The following CDCA3 variants were observed in gnomAD, a reference collection of about 807,000 sequenced individuals.
CDCA3 encodes cell division cycle associated 3.
In CDCA3, 16 loss-of-function variants were observed where a neutral mutation model predicts 29.1. The ratio of observed to expected loss-of-function variants is 0.55; its 90% CI spans 0.37 to 0.83. The LOEUF (loss-of-function observed/expected upper bound fraction) is 0.83, where lower values mean the gene tolerates loss of function less well. Ranked by LOEUF, CDCA3 falls within the 40% of genes least tolerant of loss-of-function variation. The pLI, the probability that CDCA3 is intolerant of heterozygous loss-of-function variation, is 0.00. For synonymous variants in CDCA3, 88 were observed against 124.5 expected, an observed-to-expected ratio of 0.71 and a Z score of 1.95; for missense variants, 291 against 327.2, an observed-to-expected ratio of 0.89 and a Z score of 0.85.
rs370710900 is a variant in CDCA3 at position 6,850,004 on chromosome 12, AT to A, written c.251-147del. 59,873 of 494,466 alleles carry A rather than the reference AT, an allele frequency of 0.12. 36 individuals carry two copies. Among genetic ancestry groups the A allele is most frequent in the East Asian group, 0.16 (3,848 of 24,048 alleles). 30.6% of individuals were successfully genotyped at this position (494,466 alleles called of 1,614,324 possible). On this transcript the variant is annotated intron_variant, in intron 3 of 5. Transcript: ENST00000538862. This position sits in a 1 kb window ranked among gnomAD's most constrained non-coding sequence, Gnocchi z 4.7. ...AAGGAAATCAAGGTGAAAGGGAGCA[AT>A]TTTTTTTTTTTTTGAGATGGGGCTT... is the stretch of plus-strand genomic sequence containing the variant.
downstream of CDCA3, chr12:6,847,968 G>C (rs1943739450): frequency 6.6e-6 from 1 of 152,252 alleles, no homozygotes; most frequent in Non-Finnish European, 1.5e-5. Context: ...GCCTTGGAAG[G>C]CTGAGGCAGA....
downstream of CDCA3, chr12:6,847,941 A>G (rs988124611): frequency 6.6e-6 from 1 of 152,310 alleles, no homozygotes; most frequent in Non-Finnish European, 1.5e-5. Flanking sequence ...ACAGTGGCTC[A>G]TGCCTGTAAT....
Position 6,850,829 on chromosome 12 carries a change from G to A in CDCA3, c.120+4C>T. 2 of 1,613,676 alleles carry A rather than the reference G, an allele frequency of 1.2e-6. No homozygotes were observed. The highest frequency in any genetic ancestry group is 1.7e-6 in the Non-Finnish European group (2 of 1,179,850). On this transcript the variant is annotated splice_donor_region_variant and intron_variant, in intron 2 of 5. Coordinates refer to ENST00000538862, the MANE Select transcript of CDCA3 (RefSeq NM_031299.7). The surrounding 1 kb of genome is among the most constrained non-coding windows in gnomAD (Gnocchi z 4.7). ...TCTGCCTTTCCCACGCTGGCCCAGA[G>A]TACCTGGATGGGAGTGCGCAGGATG...
At chr12:6,847,199 C>T (rs781969524), downstream of CDCA3, 77 of 373,810 alleles carry the variant, frequency 2.1e-4, no homozygotes, top group Non-Finnish European at 3.5e-4. Flanking sequence ...AGACTTGAGT[C>T]TGAGGCCCCA....
chr12:6,850,675 C>T lies in CDCA3; in HGVS notation c.121-79G>A. 1 of 1,602,722 alleles carries T rather than the reference C, an allele frequency of 6.2e-7. No individual in the cohort carries two copies. Among genetic ancestry groups the T allele is most frequent in the Admixed American group, 1.7e-5 (1 of 59,712 alleles). On this transcript the variant is annotated intron_variant, in intron 2 of 5. Transcript: ENST00000538862. The surrounding 1 kb of genome is among the most constrained non-coding windows in gnomAD (Gnocchi z 4.7). ...CTCCCCATATTCCAGGAAGGAATTG[C>T]CAAGGCCCTCAGATATCCAGCCTAC...
chr12:6,849,914 G>A lies in CDCA3; in HGVS notation c.251-56C>T. The stretch of plus-strand genomic sequence containing the variant: ...CTTCTGATACACAACATTCAGCAAG[G>A]AGCAAAACATACAGAAACCCAGGAC... On this transcript the variant is annotated intron_variant, in intron 3 of 5. Transcript: ENST00000538862. This position sits in a 1 kb window ranked among gnomAD's most constrained non-coding sequence, Gnocchi z 5.2. 2 of 1,422,898 alleles carry A rather than the reference G, an allele frequency of 1.4e-6. No homozygotes were observed. The highest frequency in any genetic ancestry group is 1.9e-6 in the Non-Finnish European group (2 of 1,068,594). 88.1% of individuals were successfully genotyped at this position (1,422,898 alleles called of 1,614,324 possible).
At chr12:6,845,798 T>A, downstream of CDCA3, 2 of 1,611,690 alleles carry the variant, frequency 1.2e-6, no homozygotes, top group Non-Finnish European at 1.7e-6. Flanking sequence ...AGTCTGAGCG[T>A]GTGGGTAAGG....
chr12:6,845,274 GAGTC>G, downstream of CDCA3: 1 of 353,872 alleles, frequency 2.8e-6, no homozygotes, highest in Non-Finnish European at 5.3e-6. Flanking sequence ...TGTAGTCTGG[GAGTC>G]TGGGACAACC....
rs1015007220 is a variant in CDCA3, at chr12:6,850,900, T to C, written c.53A>G (p.Asn18Ser). Residue 18 changes from asparagine (N) to serine (S), a missense_variant, in exon 2 of 6, where the codon AAC becomes AGC. By Grantham distance (46) the Asn-to-Ser change is conservative. Transcript: ENST00000538862. The surrounding 1 kb of genome is among the most constrained non-coding windows in gnomAD (Gnocchi z 4.7). ...GTCCGCCACTCGAGCCAGATGCTTG[T>C]TGTGCGGCGGAGGCCGCGCTGGTGT... is the stretch of plus-strand genomic sequence containing the variant. ...PVTPARPPPH[N>S]KHLARVADPR... 11 of 1,613,496 alleles carry C rather than the reference T, an allele frequency of 6.8e-6. No homozygotes were observed. The highest frequency in any genetic ancestry group is 9.3e-6 in the Non-Finnish European group (11 of 1,179,888).
downstream of CDCA3, chr12:6,847,084 A>G: frequency 1.7e-6 from 1 of 576,614 alleles, no homozygotes; most frequent in South Asian, 2.0e-5. Context: ...AGGGGCAAAG[A>G]ACTGCCCCAT....
In CDCA3 at chr12:6,849,364, G is replaced by A. The variant is rs994867451; in HGVS notation, c.610C>T (p.Leu204=). 1.2e-6 allele frequency: 2 copies of A among 1,605,666 alleles called. No individual in the cohort carries two copies. The highest frequency in any genetic ancestry group is 2.2e-5 in the East Asian group (1 of 44,794). The part of the protein sequence containing the change: ...KVLGRSPLTI[L]QDDNSPGTLT... Reference sequence around the variant, plus strand: ...GTGCCAGGGGAGTTGTCATCCTGCAGGATGGTGAGGGGGGATCTCCCTAGT... The same window carrying A: ...GTGCCAGGGGAGTTGTCATCCTGCAAGATGGTGAGGGGGGATCTCCCTAGT... Residue 204 remains leucine, a synonymous_variant, in exon 5 of 6, where the codon CTG becomes TTG. Transcript: ENST00000538862. This position sits in a 1 kb window ranked among gnomAD's most constrained non-coding sequence, Gnocchi z 5.2.
chr12:6,849,978 C>A lies in CDCA3; in HGVS notation c.251-120G>T. ...GGTGAGCAAGTGGGAAGAGAGAAAT[C>A]AAGGAAATCAAGGTGAAAGGGAGCA... On this transcript the variant is annotated intron_variant, in intron 3 of 5. Transcript: ENST00000538862. This position sits in a 1 kb window ranked among gnomAD's most constrained non-coding sequence, Gnocchi z 5.2. 1 of 901,644 alleles carries A rather than the reference C, an allele frequency of 1.1e-6. No homozygotes were observed. The highest frequency in any genetic ancestry group is 1.6e-6 in the Non-Finnish European group (1 of 628,210). The allele number at this position is 901,644 out of a possible 1,614,324, so 55.9% of individuals were successfully genotyped here. A position where few individuals can be genotyped will look rare whatever the true frequency, so the allele number is the denominator to read the frequency against.
downstream of CDCA3, chr12:6,846,709 C>A (rs199825311): frequency 1.5e-5 from 10 of 687,920 alleles, no homozygotes; most frequent in Admixed American, 4.5e-5. Flanking sequence ...ACCCACACAC[C>A]CACACATACA....
rs1170705266 is a variant in CDCA3, at chr12:6,848,846, T to C, written c.*197A>G. 4 of 575,870 alleles carry C rather than the reference T, an allele frequency of 6.9e-6. No individual in the cohort carries two copies. Among genetic ancestry groups the C allele is most frequent in the Admixed American group, 6.5e-5 (2 of 30,684 alleles). 35.7% of individuals were successfully genotyped at this position (575,870 alleles called of 1,614,324 possible). On this transcript the variant is annotated 3_prime_UTR_variant, in exon 6 of 6. Transcript: ENST00000538862. Reference sequence around the variant, plus strand: ...TTACATATACCTTTTTAAAGTAACATTTAAAATTACTTCCTTTAATATAAA... The same window carrying C: ...TTACATATACCTTTTTAAAGTAACACTTAAAATTACTTCCTTTAATATAAA...
chr12:6,849,401 G>A lies in CDCA3; in HGVS notation c.573C>T (p.Asn191=), dbSNP rs1555125686. ...SGSMRNRWKP[N]SSKVLGRSPL... ...GGGATCTCCCTAGTACCTTGCTGCT[G>A]TTTGGTTTCCATCTATTGCGCATAG... is the stretch of plus-strand genomic sequence containing the variant. Residue 191 remains asparagine, a synonymous_variant, in exon 5 of 6, where the codon AAC becomes AAT. Transcript: ENST00000538862. The surrounding 1 kb of genome is among the most constrained non-coding windows in gnomAD (Gnocchi z 5.2). The A allele has an allele frequency of 1.2e-6, 2 of 1,601,314 alleles. No homozygotes were observed.
In CDCA3 at chr12:6,849,912, AG is replaced by A; in HGVS notation, c.251-55del. 16 of 1,439,720 alleles carry A rather than the reference AG, an allele frequency of 1.1e-5. No homozygotes were observed. The highest frequency in any genetic ancestry group is 1.5e-5 in the Non-Finnish European group (16 of 1,081,074). 89.2% of individuals were successfully genotyped at this position (1,439,720 alleles called of 1,614,324 possible). A position where few individuals can be genotyped will look rare whatever the true frequency, so the allele number is the denominator to read the frequency against. ...ACCTTCTGATACACAACATTCAGCAAGGAGCAAAACATACAGAAACCCAGGA... is the reference window on the plus strand; with the variant it reads ...ACCTTCTGATACACAACATTCAGCAAGAGCAAAACATACAGAAACCCAGGA... On this transcript the variant is annotated intron_variant, in intron 3 of 5. Coordinates refer to ENST00000538862, the MANE Select transcript of CDCA3 (RefSeq NM_031299.7). This position sits in a 1 kb window ranked among gnomAD's most constrained non-coding sequence, Gnocchi z 5.2.
chr12:6,845,957 G>T, downstream of CDCA3: 1 of 627,862 alleles, frequency 1.6e-6, no homozygotes, highest in African/African-American at 1.8e-5. Flanking sequence ...AGTACCCCTT[G>T]GTTCCCAACT....
At chr12:6,845,713 T>A, downstream of CDCA3, 1 of 1,614,130 alleles carries the variant, frequency 6.2e-7, no homozygotes, top group Non-Finnish European at 8.5e-7. Flanking sequence ...ATCACGTCCG[T>A]GGCCTTCTCC....
rs1943813829 is a variant in CDCA3 at position 6,850,246 on chromosome 12, G to A, written c.250+221C>T. On this transcript the variant is annotated intron_variant, in intron 3 of 5. Transcript: ENST00000538862. This position sits in a 1 kb window ranked among gnomAD's most constrained non-coding sequence, Gnocchi z 4.7. ...TTGCCTAGGCTGGTCTTGAACTCCTGGGCTCAAGCGATCTGACCACCCCGG... is the reference window on the plus strand; with the variant it reads ...TTGCCTAGGCTGGTCTTGAACTCCTAGGCTCAAGCGATCTGACCACCCCGG... The A allele has an allele frequency of 1.7e-6, 1 of 582,832 alleles. No individual in the cohort carries two copies. The highest frequency in any genetic ancestry group is 1.9e-5 in the African/African-American group (1 of 53,346). The allele number at this position is 582,832 out of a possible 1,614,324, so 36.1% of individuals were successfully genotyped here.
Sources: gnomAD v4.1 joint callset for allele counts on GRCh38, gnomAD v4.1.1 for gene constraint, Gnocchi (gnomAD v3.1) non-coding constraint, MANE v1.5 for transcripts, NCBI Gene and HGNC (gene_info 2026-07-23, HGNC 2026-07-21) for gene names.